P2RY8: variants seen among roughly 807,000 people sequenced by gnomAD.
P2RY8 encodes the protein P2Y receptor family member 8, also known as S-geranylgeranyl-glutathione receptor P2RY8.
Under a neutral mutation model 10.0 loss-of-function variants are expected in P2RY8, and 6 were observed. The ratio of observed to expected loss-of-function variants is 0.60; its 90% CI spans 0.33 to 1.19. P2RY8 has a LOEUF of 1.19. Ranked by LOEUF, P2RY8 falls within the 50% of genes most tolerant of loss-of-function variation. P2RY8 has a pLI of 0.04. For missense variants in P2RY8, 456 were observed against 542.0 expected (o/e 0.84, Z 1.58); for synonymous variants, 276 against 252.5 (o/e 1.09, Z -0.88).
In P2RY8 at chrX:1,466,183, G is replaced by T; in HGVS notation, c.376C>A (p.Leu126Met). The T allele has an allele frequency of 6.2e-7, 1 of 1,612,612 alleles. No individual in the cohort carries two copies. The highest frequency in any genetic ancestry group is 8.5e-7 in the Non-Finnish European group (1 of 1,179,430). Residue 126 changes from leucine (L) to methionine (M), a missense_variant, in exon 2 of 2, where the codon CTG (leucine) becomes ATG (methionine). Physicochemically the swap from Leu to Met is conservative, Grantham distance 15. Transcript: ENST00000381297. The stretch of plus-strand genomic sequence containing the variant: ...CAGCGCTTGGAGCTGAGCGGGTACA[G>T]GACCCCCAGGAAGCGCTCCACGCTG... ...CISVERFLGV[L>M]YPLSSKRWRR...
At chrX:1,509,071 CTATCTATG>C (rs1404804285) in intron 1 of P2RY8, among the ~76,000 whole-genome samples, 2 of 144,972 alleles carry the variant, frequency 1.4e-5, no homozygotes, top group Non-Finnish European at 3.1e-5. Flanking sequence ...ATCTATGTAT[CTATCTATG>C]TATCTATCTA....
Position 1,521,037 on chromosome X carries a change from T to C in P2RY8, c.-25+15884A>G, listed in dbSNP as rs1177928165. Reference sequence around the variant, plus strand: ...TATCCTCTCTGATTTTTCTTTTCTTTTTTTTTTTTTTTTTTTGAGACAGAG... The same window carrying C: ...TATCCTCTCTGATTTTTCTTTTCTTCTTTTTTTTTTTTTTTTGAGACAGAG... On this transcript the variant is annotated intron_variant, in intron 1 of 1. Transcript: ENST00000381297. Among the ~76,000 whole-genome samples the C allele has an allele frequency of 1.1e-4, 16 of 139,806 alleles. No individual in the cohort carries two copies. In the East Asian group the frequency reaches 1.9e-3, roughly 17 times the overall value. 91.7% of individuals were successfully genotyped at this position (139,806 alleles called of 152,430 possible).
At chrX:1,476,095 C>T (rs1162097287) in intron 1 of P2RY8, among the ~76,000 whole-genome samples, 3 of 152,116 alleles carry the variant, frequency 2.0e-5, no homozygotes, top group African/African-American at 7.2e-5. Flanking sequence ...GGCATCAGAC[C>T]CCTTCCAGCT....
At chrX:1,489,173 A>G (rs1211604709) in intron 1 of P2RY8, among the ~76,000 whole-genome samples, 1 of 152,156 alleles carries the variant, frequency 6.6e-6, no homozygotes, top group African/African-American at 2.4e-5. Context: ...GAGGGAATGA[A>G]TGAATGACAC....
chrX:1,533,344 T>C (rs1210704982), intron 1 of P2RY8, among the ~76,000 whole-genome samples: 26 of 147,708 alleles, frequency 1.8e-4, no homozygotes, highest in Non-Finnish European at 2.5e-4. Flanking sequence ...AAATAATATA[T>C]ATATATTCAT....
rs1262450726 is a variant in P2RY8 at position 1,482,150 on chromosome X, TTG to T, written c.-24-15570_-24-15569del. Among the ~76,000 whole-genome samples the T allele has an allele frequency of 3.1e-4, 40 of 128,740 alleles. 1 individual carries two copies. The Middle Eastern group carries it at 0.016, about 51-fold the overall frequency. 84.5% of individuals were successfully genotyped at this position (128,740 alleles called of 152,430 possible). ...AGCCCCTTTTTGAAACAAAATTAAT[TTG>T]TGTGTGTGGTGTGTGTGTGTGTGTG... On this transcript the variant is annotated intron_variant, in intron 1 of 1. Transcript: ENST00000381297.
At chrX:1,476,829 C>T (rs1485219975) in intron 1 of P2RY8, among the ~76,000 whole-genome samples, 5 of 152,124 alleles carry the variant, frequency 3.3e-5, no homozygotes, top group Non-Finnish European at 2.9e-5. Flanking sequence ...AGGGTCCCCA[C>T]CACAGAGAAG....
chrX:1,469,630 A>G (rs1489823631), intron 1 of P2RY8, among the ~76,000 whole-genome samples: 1 of 152,040 alleles, frequency 6.6e-6, no homozygotes, highest in African/African-American at 2.4e-5. Flanking sequence ...GGTGGCTCAC[A>G]CCTGTAATCC....
At chrX:1,510,362 C>T (rs1195653668) in intron 1 of P2RY8, among the ~76,000 whole-genome samples, 2 of 152,172 alleles carry the variant, frequency 1.3e-5, no homozygotes, top group Non-Finnish European at 2.9e-5. Context: ...TCTCTAGCAG[C>T]TGAACGAGCC....
intron 1 of P2RY8, among the ~76,000 whole-genome samples, chrX:1,492,135 G>A (rs1207415216): frequency 6.6e-6 from 1 of 152,086 alleles, no homozygotes; most frequent in Non-Finnish European, 1.5e-5. Flanking sequence ...AATGAGGAGA[G>A]GGGTGTGGTC....
rs2091657179 is a variant in P2RY8, at chrX:1,465,589, T to A, written c.970A>T (p.Ser324Cys). The change falls in exon 2 of 2, where the codon AGC (serine) becomes TGC (cysteine). Residue 324 changes from serine to cysteine, a missense_variant. Transcript: ENST00000381297. ...PRDTLDTRRE[S>C]LFSARTTSVR... The stretch of plus-strand genomic sequence containing the variant: ...GACGTGGTCCTGGCGGAGAAGAGGC[T>A]CTCGCGGCGCGTGTCCAGGGTGTCT... 1 of 1,612,814 alleles carries A rather than the reference T, an allele frequency of 6.2e-7. No homozygotes were observed. The highest frequency in any genetic ancestry group is 8.5e-7 in the Non-Finnish European group (1 of 1,179,806).
At chrX:1,475,170 A>G (rs1430730648) in intron 1 of P2RY8, among the ~76,000 whole-genome samples, 2 of 140,218 alleles carry the variant, frequency 1.4e-5, no homozygotes, top group Non-Finnish European at 3.1e-5. Context: ...TGGGTGGATG[A>G]ATGGATGGGT....
chrX:1,515,109 A>G (rs2092335744), intron 1 of P2RY8, among the ~76,000 whole-genome samples: 2 of 150,678 alleles, frequency 1.3e-5, no homozygotes, highest in South Asian at 4.2e-4. Context: ...GGGTTTCACC[A>G]TATGTTGCCC....
chrX:1,532,349 A>ATACATGTG (rs1279620933), intron 1 of P2RY8, among the ~76,000 whole-genome samples: 1 of 140,628 alleles, frequency 7.1e-6, no homozygotes, highest in Non-Finnish European at 1.6e-5. Flanking sequence ...TATGTATATG[A>ATACATGTG]TGTGTATATA....
intron 1 of P2RY8, among the ~76,000 whole-genome samples, chrX:1,510,748 G>A (rs1457710968): frequency 1.3e-5 from 2 of 151,878 alleles, no homozygotes; most frequent in South Asian, 2.1e-4. Flanking sequence ...GCACGGTGGC[G>A]TGCACCTGTA....
At chrX:1,473,916 T>C (rs1394467022) in intron 1 of P2RY8, among the ~76,000 whole-genome samples, 2 of 150,520 alleles carry the variant, frequency 1.3e-5, no homozygotes, top group African/African-American at 4.9e-5. Flanking sequence ...GATTGGTGGA[T>C]GTATAGATGA....
chrX:1,524,537 CCA>C (rs2092419121), intron 1 of P2RY8, among the ~76,000 whole-genome samples: 2 of 119,878 alleles, frequency 1.7e-5, no homozygotes, highest in African/African-American at 6.7e-5. Flanking sequence ...ATTCATCCAT[CCA>C]TCCATCCATC....
intron 1 of P2RY8, among the ~76,000 whole-genome samples, chrX:1,521,811 C>T (rs746318830): frequency 6.6e-6 from 1 of 152,094 alleles, no homozygotes; most frequent in Admixed American, 6.6e-5. Context: ...GTGAGCGTGA[C>T]GGACAACCTC....
intron 1 of P2RY8, among the ~76,000 whole-genome samples, chrX:1,486,147 G>T (rs1169450430): frequency 6.6e-6 from 1 of 152,206 alleles, no homozygotes; most frequent in Non-Finnish European, 1.5e-5. Flanking sequence ...GAACCCGGGA[G>T]GCGGAGGTTG....
Sources: gnomAD v4.1 joint callset for allele counts (sites outside exome capture counted in the v4.1 genomes callset) on GRCh38, gnomAD v4.1.1 for gene constraint, MANE v1.5 for transcripts, NCBI Gene and HGNC (gene_info 2026-07-23, HGNC 2026-07-21) for gene names.